Variants in DNM3 observed in about 807,000 individuals in gnomAD.
The protein encoded by DNM3 is dynamin-3.
DNM3 carries 47 observed loss-of-function variants against 101.6 expected under a neutral mutation model. That is an observed-to-expected ratio of 0.46 (90% confidence interval 0.37 to 0.59). DNM3 has a LOEUF of 0.59. DNM3 is among the 20% of genes least tolerant of loss of function. The pLI is 0.00. For synonymous variants in DNM3, 385 were observed against 387.9 expected (o/e 0.99, Z 0.09); for missense variants, 849 against 1,085.7 (o/e 0.78, Z 3.06).
chr1:172,009,115 A>ATAT (rs2046934634), intron 4 of DNM3, among the ~76,000 whole-genome samples: 14 of 138,212 alleles, frequency 1.0e-4, no homozygotes, highest in Non-Finnish European at 1.5e-5. Flanking sequence ...TATATTATAT[A>ATAT]TCATATAATA....
At chr1:171,962,733 C>T (rs1234386888) in intron 2 of DNM3, among the ~76,000 whole-genome samples, 4 of 152,130 alleles carry the variant, frequency 2.6e-5, no homozygotes, top group Non-Finnish European at 5.9e-5. Context: ...CCCCTCCTCC[C>T]AATATGATTA....
chr1:171,842,509 T>C (rs2031421008), intron 1 of DNM3, among the ~76,000 whole-genome samples: 1 of 152,168 alleles, frequency 6.6e-6, no homozygotes, highest in South Asian at 2.1e-4. Flanking sequence ...TATTCACAGC[T>C]TCAGGCAATT....
Position 172,275,045 on chromosome 1 carries a change from A to G in DNM3, c.1769+21363A>G, listed in dbSNP as rs184600717. Among the ~76,000 whole-genome samples the G allele has an allele frequency of 1.6e-3, 245 of 152,196 alleles. 1 individual carries two copies. The highest frequency in any genetic ancestry group is 2.8e-3 in the Non-Finnish European group (193 of 67,984). On this transcript the variant is annotated intron_variant, in intron 15 of 20. Transcript: ENST00000627582. ...TCACAAATGTAAGGTTGAATTTGCCACATGCACTGTCTAGTCAAGGTTAAT... is the reference window on the plus strand; with the variant it reads ...TCACAAATGTAAGGTTGAATTTGCCGCATGCACTGTCTAGTCAAGGTTAAT...
intron 13 of DNM3, among the ~76,000 whole-genome samples, chr1:172,130,603 A>G (rs1558616671): frequency 6.6e-6 from 1 of 152,214 alleles, no homozygotes; most frequent in African/African-American, 2.4e-5. Context: ...ATAAATTAAG[A>G]CTATTAAAAA....
intron 12 of DNM3, among the ~76,000 whole-genome samples, chr1:172,090,540 A>T (rs1235833724): frequency 6.6e-6 from 1 of 152,236 alleles, no homozygotes; most frequent in Non-Finnish European, 1.5e-5. Context: ...AATTAAGAGG[A>T]TTAACCATTT....
intron 10 of DNM3, among the ~76,000 whole-genome samples, chr1:172,054,032 G>A (rs2050393868): frequency 6.6e-6 from 1 of 152,158 alleles, no homozygotes; most frequent in South Asian, 2.1e-4. Context: ...AACAAAGACT[G>A]CCTCAGGCAA....
intron 1 of DNM3, among the ~76,000 whole-genome samples, chr1:171,887,731 A>G (rs2125156510): frequency 6.6e-6 from 1 of 152,298 alleles, no homozygotes; most frequent in Non-Finnish European, 1.5e-5. Context: ...ACTTTTGTGT[A>G]ACTTAAATAT....
chr1:172,089,841 G>T (rs2147799861), intron 12 of DNM3, among the ~76,000 whole-genome samples: 1 of 152,206 alleles, frequency 6.6e-6, no homozygotes, highest in Non-Finnish European at 1.5e-5. Flanking sequence ...GAGTAATTTT[G>T]CATCTCAAGG....
At chr1:172,247,663 A>C (rs1052657234) in intron 14 of DNM3, among the ~76,000 whole-genome samples, 3 of 149,560 alleles carry the variant, frequency 2.0e-5, no homozygotes, top group Non-Finnish European at 4.4e-5. Flanking sequence ...TTTCTTATTT[A>C]TTTATTTATT....
Position 172,308,743 on chromosome 1 carries a change from C to T in DNM3, c.1785C>T (p.Asp595=), listed in dbSNP as rs1227942030. Residue 595 remains aspartate (D), a synonymous_variant, in exon 16 of 21, where the codon GAC becomes GAT. Transcript: ENST00000627582. ...TTAACTCCAGGAATGTATACAAAGA[C>T]TATCGCTTCCTTGAGCTGGCATGTG... ...FNTEQRNVYK[D]YRFLELACDS... 1 of 1,590,904 alleles carries T rather than the reference C, an allele frequency of 6.3e-7. No homozygotes were observed. Among genetic ancestry groups the T allele is most frequent in the South Asian group, 1.2e-5 (1 of 86,842 alleles).
At chr1:172,177,883 G>GT (rs150149501) in intron 14 of DNM3, among the ~76,000 whole-genome samples, 15 of 151,792 alleles carry the variant, frequency 9.9e-5, no homozygotes, top group Admixed American at 7.9e-4. Context: ...ATTTTATAGG[G>GT]TTTTTTTCCC....
intron 17 of DNM3, chr1:172,370,424 G>A (rs1288351328): frequency 6.6e-6 from 1 of 151,956 alleles, no homozygotes; most frequent in South Asian, 2.1e-4. Flanking sequence ...AAAGCAGTGA[G>A]ATGCTATATA....
chr1:172,062,777 G>T (rs1383671589), intron 10 of DNM3, among the ~76,000 whole-genome samples: 4 of 152,148 alleles, frequency 2.6e-5, no homozygotes, highest in East Asian at 1.9e-4. Context: ...ACTATTTCTT[G>T]ATCTCTTTAT....
At chr1:172,210,576 G>T (rs1310285179) in intron 14 of DNM3, among the ~76,000 whole-genome samples, 1 of 151,898 alleles carries the variant, frequency 6.6e-6, no homozygotes, top group African/African-American at 2.4e-5. Context: ...GCCAGTACAA[G>T]AATAATAAAG....
rs75901150 is a variant in DNM3, at chr1:172,168,375, T to C, written c.1659+37087T>C. Among the ~76,000 whole-genome samples the C allele has an allele frequency of 3.9e-5, 6 of 152,164 alleles. No individual in the cohort carries two copies. The East Asian group carries it at 9.7e-4, about 25-fold the overall frequency. On this transcript the variant is annotated intron_variant, in intron 14 of 20. Transcript: ENST00000627582. ...TAACACAGAGAATAAAGGAGAATCC[T>C]GTATATTTTAACAAAAGGTTTAGTG...
At chr1:171,988,534 T>C (rs1219402391) in intron 3 of DNM3, among the ~76,000 whole-genome samples, 1 of 150,084 alleles carries the variant, frequency 6.7e-6, no homozygotes, top group East Asian at 1.9e-4. Context: ...TAACTTTCTA[T>C]TAAAAAAAAA....
chr1:171,970,666 T>C (rs1335535918), intron 2 of DNM3, among the ~76,000 whole-genome samples: 1 of 152,134 alleles, frequency 6.6e-6, no homozygotes, highest in Non-Finnish European at 1.5e-5. Context: ...TAAAATTAGC[T>C]TTTAAATCAA....
At chr1:172,111,221 C>T (rs1475995176) in intron 13 of DNM3, among the ~76,000 whole-genome samples, 1 of 152,180 alleles carries the variant, frequency 6.6e-6, no homozygotes, top group Non-Finnish European at 1.5e-5. Context: ...TTTCCTTTAT[C>T]ATCCTTGACC....
chr1:172,020,699 G>A (rs2047782013), intron 4 of DNM3, among the ~76,000 whole-genome samples: 1 of 131,872 alleles, frequency 7.6e-6, no homozygotes, highest in Non-Finnish European at 1.5e-5. Context: ...ACTCCAGCCT[G>A]GGCGACAGTG....
Sources: allele counts gnomAD v4.1 joint callset (sites outside exome capture counted in the v4.1 genomes callset), GRCh38; gene constraint gnomAD v4.1.1; transcripts MANE v1.5; gene names NCBI Gene and HGNC (gene_info 2026-07-23, HGNC 2026-07-21).